The following AHCYL2 variants were observed in gnomAD, a reference collection of about 807,000 sequenced individuals.
The protein encoded by AHCYL2 is adenosylhomocysteinase like 2, also known as S-adenosylhomocysteine hydrolase-like protein 2.
In AHCYL2, 28 loss-of-function variants were observed where a neutral mutation model predicts 81.4. That is an observed-to-expected ratio of 0.34 (90% CI 0.25 to 0.47). AHCYL2 has a LOEUF of 0.47. Ranked by LOEUF, AHCYL2 falls within the 20% of genes least tolerant of loss-of-function variation. The probability of loss-of-function intolerance (pLI) is 1.00; values close to 1 mark genes in which losing one functional copy is unlikely to be tolerated. For missense variants in AHCYL2, 551 were observed against 785.1 expected (o/e 0.70, Z 3.56); for synonymous variants, 272 against 290.2 (o/e 0.94, Z 0.64).
intron 1 of AHCYL2, among the ~76,000 whole-genome samples, chr7:129,279,148 G>T (rs973042291): frequency 1.3e-5 from 2 of 152,012 alleles, no homozygotes; most frequent in Admixed American, 1.3e-4. Flanking sequence ...CATTTGGAGA[G>T]AATTGATAGC....
At chr7:129,401,006 A>C (rs1316178600) in intron 6 of AHCYL2, among the ~76,000 whole-genome samples, 1 of 152,140 alleles carries the variant, frequency 6.6e-6, no homozygotes, top group Non-Finnish European at 1.5e-5. Flanking sequence ...TTGAAGCCTC[A>C]TAGCACATTA....
intron 1 of AHCYL2, among the ~76,000 whole-genome samples, chr7:129,268,683 T>C (rs752848834): frequency 6.6e-6 from 1 of 152,224 alleles, no homozygotes; most frequent in Non-Finnish European, 1.5e-5. Context: ...ACATTAATGC[T>C]GTGGTTGAAT....
At chr7:129,266,709 AGGAGG>A in intron 1 of AHCYL2, among the ~76,000 whole-genome samples, 1 of 152,226 alleles carries the variant, frequency 6.6e-6, no homozygotes, top group Non-Finnish European at 1.5e-5. Context: ...GGCGGGGAAT[AGGAGG>A]GGCAATCCAA....
At chr7:129,352,979 T>C (rs1184711357) in intron 1 of AHCYL2, among the ~76,000 whole-genome samples, 1 of 148,866 alleles carries the variant, frequency 6.7e-6, no homozygotes, top group Non-Finnish European at 1.5e-5. Context: ...GTTTCTCTCT[T>C]GTTGCCCAGG....
At chr7:129,288,115 T>G (rs1466094006) in intron 1 of AHCYL2, among the ~76,000 whole-genome samples, 2 of 152,254 alleles carry the variant, frequency 1.3e-5, no homozygotes, top group Admixed American at 1.3e-4. Context: ...GTATATTTTT[T>G]CAGTATGTTT....
At chr7:129,416,949 C>T (rs1167721058) in intron 12 of AHCYL2, among the ~76,000 whole-genome samples, 3 of 152,020 alleles carry the variant, frequency 2.0e-5, no homozygotes, top group Non-Finnish European at 4.4e-5. Flanking sequence ...GAGACCTCAT[C>T]TCTACAAAAA....
At chr7:129,425,226 T>TAAAAAA in intron 15 of AHCYL2, 85 bp downstream of exon 15, 2 of 1,214,584 alleles carry the variant, frequency 1.6e-6, no homozygotes, top group Non-Finnish European at 1.2e-6. Flanking sequence ...TTAACTTACT[T>TAAAAAA]AAGGATGGGG....
chr7:129,390,780 C>T (rs1043283670), intron 4 of AHCYL2, among the ~76,000 whole-genome samples: 2 of 152,310 alleles, frequency 1.3e-5, no homozygotes, highest in Non-Finnish European at 2.9e-5. Flanking sequence ...TTGGGCAGAA[C>T]TGGATCATGT....
chr7:129,317,355 C>A (rs184855113), intron 1 of AHCYL2, among the ~76,000 whole-genome samples: 1 of 151,244 alleles, frequency 6.6e-6, no homozygotes, highest in African/African-American at 2.4e-5. Flanking sequence ...AGTGTGGATC[C>A]TCCAAGACAG....
At chr7:129,291,608 T>C (rs1796865682) in intron 1 of AHCYL2, among the ~76,000 whole-genome samples, 2 of 151,398 alleles carry the variant, frequency 1.3e-5, no homozygotes, top group South Asian at 4.2e-4. Flanking sequence ...GTCTTTTTTT[T>C]TTCTTTTTTT....
intron 1 of AHCYL2, among the ~76,000 whole-genome samples, chr7:129,261,499 A>C (rs987808504): frequency 1.3e-5 from 2 of 152,152 alleles, no homozygotes; most frequent in African/African-American, 2.4e-5. Flanking sequence ...TATGTATTGG[A>C]CCTACTTTAT....
intron 1 of AHCYL2, among the ~76,000 whole-genome samples, chr7:129,350,905 T>C (rs1369234729): frequency 6.6e-6 from 1 of 151,890 alleles, no homozygotes; most frequent in East Asian, 1.9e-4. Context: ...GGTTTCACCA[T>C]GTTGACCAGG....
intron 1 of AHCYL2, among the ~76,000 whole-genome samples, chr7:129,272,867 T>G (rs894795336): frequency 6.6e-6 from 1 of 152,112 alleles, no homozygotes; most frequent in Non-Finnish European, 1.5e-5. Flanking sequence ...AAATAAAACT[T>G]TTTCTCATCT....
Position 129,427,122 on chromosome 7 carries a change from C to A in AHCYL2, c.*77C>A. On this transcript the variant is annotated 3_prime_UTR_variant, in exon 17 of 17. Coordinates refer to ENST00000325006, the MANE Select transcript of AHCYL2 (RefSeq NM_015328.4). This position sits in a 1 kb window ranked among gnomAD's most constrained non-coding sequence, Gnocchi z 5.5. ...CTCCACTACTATACAAGAAAGAATT[C>A]AGCAAGCTGCTTCTCCAATCAAAGC... 2.1e-6 allele frequency: 3 copies of A among 1,436,490 alleles called. No individual in the cohort carries two copies. The highest frequency in any genetic ancestry group is 1.2e-5 in the South Asian group (1 of 84,904). 89.0% of individuals were successfully genotyped at this position (1,436,490 alleles called of 1,614,324 possible). A position where few individuals can be genotyped will look rare whatever the true frequency, so the allele number is the denominator to read the frequency against.
chr7:129,279,923 T>G (rs1489238708), intron 1 of AHCYL2, among the ~76,000 whole-genome samples: 1 of 152,154 alleles, frequency 6.6e-6, no homozygotes, highest in Non-Finnish European at 1.5e-5. Context: ...TTGGTCAGCT[T>G]CTTTACCGCA....
chr7:129,315,392 A>G (rs558161919), intron 1 of AHCYL2, among the ~76,000 whole-genome samples: 2 of 152,102 alleles, frequency 1.3e-5, no homozygotes, highest in South Asian at 2.1e-4. Context: ...CTTTCCTGTT[A>G]TACTCCAGCA....
At chr7:129,311,722 C>T (rs1207113925) in intron 1 of AHCYL2, among the ~76,000 whole-genome samples, 1 of 152,186 alleles carries the variant, frequency 6.6e-6, no homozygotes, top group Admixed American at 6.5e-5. Context: ...CTAAGCCACA[C>T]TGTCACATCT....
At chr7:129,392,224 A>G (rs1484879681) in intron 4 of AHCYL2, among the ~76,000 whole-genome samples, 1 of 152,166 alleles carries the variant, frequency 6.6e-6, no homozygotes, top group Non-Finnish European at 1.5e-5. Context: ...TTGTTTGCCA[A>G]CCTAATACTC....
intron 1 of AHCYL2, among the ~76,000 whole-genome samples, chr7:129,226,405 T>C (rs1794220945): frequency 6.6e-6 from 1 of 152,204 alleles, no homozygotes; most frequent in Non-Finnish European, 1.5e-5. Context: ...AGGGCAAGTA[T>C]TGGAAAAGAC....
Sources: allele counts gnomAD v4.1 joint callset (sites outside exome capture counted in the v4.1 genomes callset), GRCh38; gene constraint gnomAD v4.1.1; non-coding constraint Gnocchi (gnomAD v3.1); transcripts MANE v1.5; gene names NCBI Gene and HGNC (gene_info 2026-07-23, HGNC 2026-07-21).